RANBP2: variants seen among roughly 807,000 people sequenced by gnomAD.
RANBP2 encodes RAN binding protein 2.
In RANBP2, 57 loss-of-function variants were observed where a neutral mutation model predicts 303.6. That is an observed-to-expected ratio of 0.19 (90% confidence interval 0.15 to 0.23). The LOEUF (loss-of-function observed/expected upper bound fraction) is 0.23. Ranked by LOEUF, RANBP2 falls within the 10% of genes least tolerant of loss-of-function variation. RANBP2 has a pLI of 1.00. For missense variants in RANBP2, 3,138 were observed against 3,780.8 expected, an observed-to-expected ratio of 0.83 and a Z score of 4.46; for synonymous variants, 1,167 against 1,301.5, an observed-to-expected ratio of 0.90 and a Z score of 2.23.
chr2:108,726,369 TG>T (rs1389707333), intron 1 of RANBP2, among the ~76,000 whole-genome samples: 1 of 152,058 alleles, frequency 6.6e-6, no homozygotes, highest in Non-Finnish European at 1.5e-5. Context: ...AGAGTAGCGA[TG>T]CTGGCAGTTC....
the RANBP2 span, among the ~76,000 whole-genome samples, chr2:109,166,025 C>T: frequency 6.6e-6 from 1 of 152,166 alleles, no homozygotes; most frequent in Non-Finnish European, 1.5e-5. Flanking sequence ...GTTTGCTGCT[C>T]ATTCTGTAGA....
the RANBP2 span, among the ~76,000 whole-genome samples, chr2:109,763,088 A>C: frequency 6.7e-6 from 1 of 150,140 alleles, no homozygotes; most frequent in African/African-American, 2.4e-5. Flanking sequence ...TTGTTTTCTT[A>C]TTTGAGTCTC....
the RANBP2 span, chr2:108,856,662 C>G: frequency 1.3e-6 from 1 of 767,884 alleles, no homozygotes; most frequent in Admixed American, 2.7e-5. Flanking sequence ...TAAATTTAGA[C>G]TGTGATCTCT....
At chr2:109,057,397 C>T in the RANBP2 span, among the ~76,000 whole-genome samples, 3 of 152,174 alleles carry the variant, frequency 2.0e-5, no homozygotes, top group Non-Finnish European at 2.9e-5. Flanking sequence ...GTCTTAGTGA[C>T]GGATGACAGC....
At chr2:109,449,515 C>T in the RANBP2 span, 4 of 1,608,240 alleles carry the variant, frequency 2.5e-6, no homozygotes, top group Admixed American at 1.7e-5. Flanking sequence ...TGGACGAGCC[C>T]TGGGCTCGAG....
chr2:109,038,579 A>G, the RANBP2 span, among the ~76,000 whole-genome samples: 14 of 152,192 alleles, frequency 9.2e-5, no homozygotes, highest in Admixed American at 1.3e-4. Flanking sequence ...GACCTTATGA[A>G]GAAGACCTAA....
chr2:109,564,635 A>G, the RANBP2 span: 2 of 1,019,816 alleles, frequency 2.0e-6, no homozygotes, highest in African/African-American at 3.2e-5. Context: ...CATGTGAAAC[A>G]ACAAATAGCA....
chr2:109,450,878 A>G, the RANBP2 span, among the ~76,000 whole-genome samples: 1 of 152,184 alleles, frequency 6.6e-6, no homozygotes, highest in Non-Finnish European at 1.5e-5. Flanking sequence ...ACATCTTTCC[A>G]TATAAAATTA....
At chr2:109,167,358 T>C in the RANBP2 span, among the ~76,000 whole-genome samples, 2 of 152,188 alleles carry the variant, frequency 1.3e-5, no homozygotes, top group Non-Finnish European at 2.9e-5. Context: ...AATTGAATTA[T>C]TAGCTCTCTC....
the RANBP2 span, among the ~76,000 whole-genome samples, chr2:109,248,719 C>G: frequency 1.3e-5 from 2 of 151,934 alleles, no homozygotes; most frequent in Non-Finnish European, 1.5e-5. Flanking sequence ...TTCCTTGCCT[C>G]CTTCTTTTCT....
At chr2:109,611,532 A>T in the RANBP2 span, among the ~76,000 whole-genome samples, 1 of 152,170 alleles carries the variant, frequency 6.6e-6, no homozygotes, top group Non-Finnish European at 1.5e-5. Context: ...CTGAGACGGG[A>T]GGATCGCTTG....
At chr2:109,145,382 C>T in the RANBP2 span, among the ~76,000 whole-genome samples, 27 of 152,350 alleles carry the variant, frequency 1.8e-4, no homozygotes, top group Admixed American at 5.2e-4. Context: ...AGCCCTGCCC[C>T]TCTCTTATTC....
chr2:109,415,116 G>A, the RANBP2 span, among the ~76,000 whole-genome samples: 500 of 147,548 alleles, frequency 3.4e-3, 2 homozygotes, highest in African/African-American at 0.012. Context: ...ACCAAGGAAC[G>A]TGGGCAGCCT....
the RANBP2 span, among the ~76,000 whole-genome samples, chr2:109,349,628 T>C: frequency 6.6e-6 from 1 of 152,198 alleles, no homozygotes; most frequent in African/African-American, 2.4e-5. Context: ...ATAATGGCTC[T>C]AGGCTTCTCC....
the RANBP2 span, among the ~76,000 whole-genome samples, chr2:109,215,076 G>A: frequency 2.6e-5 from 4 of 152,194 alleles, no homozygotes; most frequent in Non-Finnish European, 5.9e-5. Context: ...AATGAGCAGC[G>A]TTAAACCTTC....
At chr2:109,478,736 G>T in the RANBP2 span, among the ~76,000 whole-genome samples, 14 of 152,302 alleles carry the variant, frequency 9.2e-5, no homozygotes, top group Middle Eastern at 6.8e-3. Context: ...AGATCTTCTT[G>T]CTCAGAGGCC....
the RANBP2 span, chr2:109,313,653 C>T: frequency 7.7e-5 from 12 of 155,106 alleles, no homozygotes; most frequent in African/African-American, 2.6e-4. Flanking sequence ...GCTCAACATC[C>T]CAGGGGGATG....
chr2:109,318,337 G>A, the RANBP2 span, among the ~76,000 whole-genome samples: 6 of 152,094 alleles, frequency 3.9e-5, no homozygotes, highest in South Asian at 2.1e-4. Flanking sequence ...CCCCCAGCCC[G>A]GTCCCCAGTG....
chr2:108,750,020 T>C (rs1322451872), intron 9 of RANBP2, among the ~76,000 whole-genome samples: 1 of 152,198 alleles, frequency 6.6e-6, no homozygotes, highest in African/African-American at 2.4e-5. Flanking sequence ...GGTGGTGGCA[T>C]GTGCCTGTAG....
Sources: gnomAD v4.1 joint callset for allele counts (sites outside exome capture counted in the v4.1 genomes callset) on GRCh38, gnomAD v4.1.1 for gene constraint, MANE v1.5 for transcripts, NCBI Gene and HGNC (gene_info 2026-07-23, HGNC 2026-07-21) for gene names.